C20orf96: variants seen among roughly 807,000 people sequenced by gnomAD.
C20orf96 encodes chromosome 20 open reading frame 96, also known as uncharacterized protein C20orf96.
A neutral mutation model predicts 52.6 loss-of-function variants in C20orf96; 57 were observed. The ratio of observed to expected loss-of-function variants is 1.08; its 90% CI spans 0.88 to 1.35. C20orf96 has a LOEUF of 1.35. Among genes scored for constraint, C20orf96 ranks in the 40% most tolerant of loss-of-function variants. The pLI, the probability that C20orf96 is intolerant of heterozygous loss-of-function variation, is 0.00. For missense variants in C20orf96, 478 were observed against 443.6 expected, an observed-to-expected ratio of 1.08 and a Z score of -0.70; for synonymous variants, 168 against 157.2, an observed-to-expected ratio of 1.07 and a Z score of -0.51.
At chr20:276,322 G>T (rs1388673932) in intron 9 of C20orf96, 1 of 985,324 alleles carries the variant, frequency 1.0e-6, no homozygotes, top group African/African-American at 1.7e-5. Flanking sequence ...AATGGAGACA[G>T]GTTACAAAGT....
In C20orf96 at chr20:289,617, G is replaced by C. The variant is rs369026329; in HGVS notation, c.129C>G (p.Val43=). 3.7e-6 allele frequency: 6 copies of C among 1,614,078 alleles called. No homozygotes were observed. Among genetic ancestry groups the C allele is most frequent in the Non-Finnish European group, 5.1e-6 (6 of 1,179,976 alleles). The change falls in exon 3 of 11, where the codon GTC becomes GTG. Residue 43 remains valine (V), a synonymous_variant. Coordinates refer to ENST00000360321, the MANE Select transcript of C20orf96 (RefSeq NM_153269.3). ...QETKPSTLPP[V]QQANSLHTSK... is the part of the protein sequence containing the mutation. ...TTGTATGAAGGCTGTTGGCTTGTTG[G>C]ACTGGAGGCAGAGTAGATGGCTTGG...
chr20:286,729 G>A (rs1047411093), intron 3 of C20orf96, among the ~76,000 whole-genome samples: 3 of 152,154 alleles, frequency 2.0e-5, no homozygotes, highest in African/African-American at 4.8e-5. Context: ...ACATTAAGAT[G>A]AGCAAGATAT....
intron 3 of C20orf96, among the ~76,000 whole-genome samples, chr20:288,359 C>A (rs1367466629): frequency 6.6e-6 from 1 of 152,022 alleles, no homozygotes; most frequent in Non-Finnish European, 1.5e-5. Context: ...GGTAGCTGAT[C>A]CTTCATTCCC....
At chr20:290,121 C>A in intron 2 of C20orf96, 138 bp downstream of exon 2, 1 of 659,316 alleles carries the variant, frequency 1.5e-6, no homozygotes, top group East Asian at 2.7e-5. Context: ...GGTCCCACAG[C>A]AAAGTGTGAC....
chr20:277,454 G>A (rs1042082164), intron 6 of C20orf96, 71 bp from the exon 7 acceptor site: 38 of 1,541,094 alleles, frequency 2.5e-5, no homozygotes, highest in Non-Finnish European at 3.3e-5. Context: ...GGCCCCAGGA[G>A]GCCCAGGAGG....
chr20:285,021 A>G (rs1239375683), intron 3 of C20orf96, among the ~76,000 whole-genome samples: 1 of 152,190 alleles, frequency 6.6e-6, no homozygotes, highest in Non-Finnish European at 1.5e-5. Context: ...TGAAGATGAA[A>G]GAAGTTACTA....
rs953598800 is a variant in C20orf96 at position 279,241 on chromosome 20, G to A, written c.396C>T (p.Thr132=). 3 of 1,611,082 alleles carry A rather than the reference G, an allele frequency of 1.9e-6. No individual in the cohort carries two copies. Among genetic ancestry groups the A allele is most frequent in the Non-Finnish European group, 2.5e-6 (3 of 1,179,174 alleles). ...TCGTGCTGTTCTCCATCTCCTGGAT[G>A]GTCTCGATCAGCTCCCGGTTGAGCT... ...LSKLNRELIE[T]IQEMENSTTL... is the part of the protein sequence containing the mutation. Residue 132 remains threonine (T), a synonymous_variant, in exon 5 of 11, where the codon ACC becomes ACT. Coordinates refer to ENST00000360321, the MANE Select transcript of C20orf96 (RefSeq NM_153269.3).
intron 3 of C20orf96, 65 bp from the exon 4 acceptor site, chr20:284,146 C>T (rs2012323602): frequency 3.3e-6 from 4 of 1,212,996 alleles, no homozygotes; most frequent in East Asian, 2.3e-5. Flanking sequence ...GCCAGGTTCC[C>T]GGGAGTGCAC....
At chr20:286,498 G>C (rs758415953) in intron 3 of C20orf96, among the ~76,000 whole-genome samples, 1 of 149,704 alleles carries the variant, frequency 6.7e-6, no homozygotes, top group Non-Finnish European at 1.5e-5. Flanking sequence ...GCCTGGGTAA[G>C]AGAGACAGAG....
chr20:275,868 G>T, intron 10 of C20orf96, 100 bp downstream of exon 10: 1 of 1,123,022 alleles, frequency 8.9e-7, no homozygotes, highest in Non-Finnish European at 1.4e-6. Flanking sequence ...CCTGTACAGG[G>T]TTCTGCCATC....
In C20orf96 at chr20:271,160, G is replaced by A. The variant is rs2011817815; in HGVS notation, c.*47C>T. 6.8e-7 allele frequency: 1 copy of A among 1,472,916 alleles called. No individual in the cohort carries two copies. Among genetic ancestry groups the A allele is most frequent in the South Asian group, 1.2e-5 (1 of 82,464 alleles). The allele number at this position is 1,472,916 out of a possible 1,614,324, so 91.2% of individuals were successfully genotyped here. On this transcript the variant is annotated 3_prime_UTR_variant, in exon 11 of 11. Transcript: ENST00000360321. ...GGAAGTAAATGATCCAAGGCTCCAG[G>A]TGCTGGGAAGAGAGCAGGAGGGGAG...
intron 8 of C20orf96, 30 bp downstream of exon 8, chr20:277,014 C>A (rs2012048428): frequency 1.2e-6 from 2 of 1,605,646 alleles, no homozygotes; most frequent in African/African-American, 2.7e-5. Flanking sequence ...GACCTGGATC[C>A]CCGCTCCCAC....
chr20:290,145 G>GA, intron 2 of C20orf96, 114 bp downstream of exon 2: 1 of 781,960 alleles, frequency 1.3e-6, no homozygotes, highest in East Asian at 2.7e-5. Context: ...GCTGGGACTG[G>GA]AATTCGGGTC....
rs750461479 is a variant in C20orf96 at position 290,563 on chromosome 20, A to ATTTTTTTTTT, written c.20+18_20+27dup. The ATTTTTTTTTT allele has an allele frequency of 3.1e-5, 40 of 1,309,558 alleles. No homozygotes were observed. The African/African-American group carries it at 7.0e-4, about 23-fold the overall frequency. The allele number at this position is 1,309,558 out of a possible 1,614,324, so 81.1% of individuals were successfully genotyped here. ...GCATGCGTATTCCGCCTTTCTTCCA[A>ATTTTTTTTTT]TTTTTTTTTTTTTTTTTTTTTACCT... On this transcript the variant is annotated intron_variant, in intron 1 of 10. Transcript: ENST00000360321.
Position 286,508 on chromosome 20 carries a change from G to A in C20orf96, c.188-2427C>T, listed in dbSNP as rs150740642. 3.6e-4 allele frequency among the ~76,000 whole-genome samples: 54 copies of A among 149,418 alleles called. 1 individual carries two copies. The East Asian group carries it at 0.011, about 29-fold the overall frequency. ...CTCCAGCCTGGGTAAGAGAGACAGA[G>A]AGAGAGAGAGACTCTGTCTGAAAAA... On this transcript the variant is annotated intron_variant, in intron 3 of 10. Coordinates refer to ENST00000360321, the MANE Select transcript of C20orf96 (RefSeq NM_153269.3).
chr20:283,398 G>C (rs2012300790), intron 4 of C20orf96, among the ~76,000 whole-genome samples: 1 of 151,968 alleles, frequency 6.6e-6, no homozygotes, highest in Non-Finnish European at 1.5e-5. Flanking sequence ...CTGCCTCCCA[G>C]GTTCAAGCCG....
rs893440987 is a variant in C20orf96 at position 277,300 on chromosome 20, G to T, written c.649C>A (p.His217Asn). ...TGGACAGACTTGATGGAATACTCAT[G>T]GTCCATGTAAGTGCTCAGGAAGTTC... Reference protein sequence around the residue: ...EVNFLSTYMDHEYSIKSVQIS... With the variant: ...EVNFLSTYMDNEYSIKSVQIS... Residue 217 changes from histidine (H) to asparagine (N), a missense_variant, in exon 7 of 11, where the codon CAT (histidine) becomes AAT (asparagine). Transcript: ENST00000360321. 4 of 1,613,982 alleles carry T rather than the reference G, an allele frequency of 2.5e-6. No homozygotes were observed. Among genetic ancestry groups the T allele is most frequent in the Non-Finnish European group, 3.4e-6 (4 of 1,179,964 alleles).
At chr20:288,174 C>CTTTTTTTTTTT (rs1237648367) in intron 3 of C20orf96, among the ~76,000 whole-genome samples, 49 of 66,048 alleles carry the variant, frequency 7.4e-4, no homozygotes, top group African/African-American at 1.4e-3. Context: ...TTTTCTTTTT[C>CTTTTTTTTTTT]TTTTTTTTTT....
intron 4 of C20orf96, 45 bp from the exon 5 acceptor site, chr20:279,375 C>A (rs763530281): frequency 1.0e-5 from 16 of 1,571,282 alleles, no homozygotes; most frequent in Non-Finnish European, 1.3e-5. Context: ...GCGCCCTGCC[C>A]GGCCTGAGCC....
Sources: gnomAD v4.1 joint callset for allele counts (sites outside exome capture counted in the v4.1 genomes callset) on GRCh38, gnomAD v4.1.1 for gene constraint, MANE v1.5 for transcripts, NCBI Gene and HGNC (gene_info 2026-07-23, HGNC 2026-07-21) for gene names.